Variants in SMG6 observed in about 807,000 individuals in gnomAD.
SMG6 encodes telomerase-binding protein EST1A.
In SMG6, 66 loss-of-function variants were observed where a neutral mutation model predicts 142.2. The ratio of observed to expected loss-of-function variants is 0.46; its 90% CI spans 0.38 to 0.57. SMG6 has a LOEUF of 0.57. Ranked by LOEUF, SMG6 falls within the 20% of genes least tolerant of loss-of-function variation. SMG6 has a pLI of 0.00. For missense variants in SMG6, 1,793 were observed against 1,832.0 expected (o/e 0.98, Z 0.39); for synonymous variants, 779 against 702.4 (o/e 1.11, Z -1.72).
chr17:2,107,086 C>T (rs1213949402), intron 13 of SMG6, among the ~76,000 whole-genome samples: 5 of 152,126 alleles, frequency 3.3e-5, no homozygotes, highest in Non-Finnish European at 7.4e-5. Context: ...GAACTCCTGA[C>T]CTCAGGTGAT....
At chr17:2,065,801 G>C (rs1364963285) in intron 16 of SMG6, 122 bp from the exon 17 acceptor site, 4 of 811,118 alleles carry the variant, frequency 4.9e-6, no homozygotes, top group African/African-American at 1.7e-5. Flanking sequence ...CCCCACAGGA[G>C]TCTTCCAATG....
chr17:2,130,374 A>C lies in SMG6; in HGVS notation c.3357+42284T>G, dbSNP rs565185525. On this transcript the variant is annotated intron_variant, in intron 13 of 18. Coordinates refer to ENST00000263073, the MANE Select transcript of SMG6 (RefSeq NM_017575.5). ...AAAATCTGTGCGAGGGTTTTATGGG[A>C]AATATTACAAAACATCCTTGAAGGG... 4.6e-5 allele frequency among the ~76,000 whole-genome samples: 7 copies of C among 151,950 alleles called. No individual in the cohort carries two copies. In the South Asian group the frequency reaches 1.5e-3, roughly 32 times the overall value.
rs192316324 is a variant in SMG6 at position 2,075,579 on chromosome 17, C to T, written c.3681+6231G>A. Among the ~76,000 whole-genome samples the T allele has an allele frequency of 7.6e-3, 1,162 of 152,308 alleles. 9 individuals carry two copies. Among genetic ancestry groups the T allele is most frequent in the Non-Finnish European group, 0.011 (762 of 68,024 alleles). ...GCCAGCATGAGGTGCCAAGAGGCCA[C>T]GCCTCATGCCTGGAGGAGCATTTTC... On this transcript the variant is annotated intron_variant, in intron 15 of 18. Coordinates refer to ENST00000263073, the MANE Select transcript of SMG6 (RefSeq NM_017575.5).
chr17:2,253,482 C>T (rs192671554), intron 8 of SMG6, among the ~76,000 whole-genome samples: 175 of 152,212 alleles, frequency 1.1e-3, no homozygotes, highest in South Asian at 2.3e-3. Flanking sequence ...TAATCTACAA[C>T]GCTGGTGTCT....
At chr17:2,159,511 A>G (rs1443565275) in intron 13 of SMG6, among the ~76,000 whole-genome samples, 1 of 152,206 alleles carries the variant, frequency 6.6e-6, no homozygotes, top group Non-Finnish European at 1.5e-5. Context: ...CTAAAACTAT[A>G]AAGATCAGAA....
rs34276256 is a variant in SMG6 at position 2,207,117 on chromosome 17, C to CAAAAAAAAAAA, written c.2870-18613_2870-18603dup. Among the ~76,000 whole-genome samples, 80 of 79,742 alleles carry CAAAAAAAAAAA rather than the reference C, an allele frequency of 1.0e-3. 1 individual carries two copies. The highest frequency in any genetic ancestry group is 1.7e-3 in the South Asian group (3 of 1,732). 52.3% of individuals were successfully genotyped at this position (79,742 alleles called of 152,430 possible). ...TGAAATCTTGTCTCTACTAAAAATC[C>CAAAAAAAAAAA]AAAAAAAAAAAAAAAAAAAAAAATA... is the stretch of plus-strand genomic sequence containing the variant. On this transcript the variant is annotated intron_variant, in intron 10 of 18. Transcript: ENST00000263073.
chr17:2,145,245 C>T (rs1289962683), intron 13 of SMG6, among the ~76,000 whole-genome samples: 1 of 151,660 alleles, frequency 6.6e-6, no homozygotes, highest in Non-Finnish European at 1.5e-5. Flanking sequence ...TTCTGAGTAG[C>T]TGGGACTACA....
chr17:2,110,628 G>T (rs951893222), intron 13 of SMG6, among the ~76,000 whole-genome samples: 2 of 152,168 alleles, frequency 1.3e-5, no homozygotes, highest in African/African-American at 2.4e-5. Context: ...GCAGACGGAA[G>T]AAAGACCCTG....
chr17:2,242,356 C>CAAAAAAA (rs57062488), intron 9 of SMG6, among the ~76,000 whole-genome samples: 6 of 73,508 alleles, frequency 8.2e-5, no homozygotes, highest in South Asian at 4.5e-4. Flanking sequence ...ACTGAAGATA[C>CAAAAAAA]AAAAAAAAAA....
At chr17:2,131,629 T>C (rs2151548225) in intron 13 of SMG6, among the ~76,000 whole-genome samples, 1 of 152,094 alleles carries the variant, frequency 6.6e-6, no homozygotes, top group African/African-American at 2.4e-5. Flanking sequence ...AGACATAAAC[T>C]GGAAAGGAAA....
In SMG6 at chr17:2,061,473, G is replaced by GGT; in HGVS notation, c.*18_*19insAC. 6.4e-7 allele frequency: 1 copy of GGT among 1,565,922 alleles called. No individual in the cohort carries two copies. ...TTTCAGGAACGGTTCCACGGGGGGG[G>GGT]GGCCCCAGTGTGGCTCCCTCAGCCC... On this transcript the variant is annotated 3_prime_UTR_variant, in exon 19 of 19. Transcript: ENST00000263073.
At chr17:2,114,654 C>T (rs558207401) in intron 13 of SMG6, among the ~76,000 whole-genome samples, 13 of 152,108 alleles carry the variant, frequency 8.5e-5, no homozygotes, top group African/African-American at 2.4e-4. Flanking sequence ...AGGGGCCAGG[C>T]GCGGTGGCTC....
chr17:2,126,977 C>T lies in SMG6; in HGVS notation c.3358-41076G>A, dbSNP rs527704379. ...ACACACACATATACGCGTGAACACA[C>T]GCGTGCATATAATTAGCTGGGTGTG... is the stretch of plus-strand genomic sequence containing the variant. On this transcript the variant is annotated intron_variant, in intron 13 of 18. Coordinates refer to ENST00000263073, the MANE Select transcript of SMG6 (RefSeq NM_017575.5). 9.2e-5 allele frequency among the ~76,000 whole-genome samples: 14 copies of T among 151,784 alleles called. No homozygotes were observed. In the East Asian group the frequency reaches 9.7e-4, roughly 11 times the overall value.
intron 13 of SMG6, among the ~76,000 whole-genome samples, chr17:2,141,619 T>G (rs1476242439): frequency 2.0e-5 from 3 of 152,044 alleles, no homozygotes; most frequent in Non-Finnish European, 2.9e-5. Flanking sequence ...TTTAAAAAAT[T>G]TTTTTGCAGA....
At chr17:2,150,901 T>C (rs2070806800) in intron 13 of SMG6, among the ~76,000 whole-genome samples, 1 of 149,484 alleles carries the variant, frequency 6.7e-6, no homozygotes, top group Non-Finnish European at 1.5e-5. Flanking sequence ...AAAAAAAAAA[T>C]CCGTAACCCA....
intron 13 of SMG6, among the ~76,000 whole-genome samples, chr17:2,129,540 T>C (rs1412494440): frequency 6.6e-6 from 1 of 152,076 alleles, no homozygotes; most frequent in African/African-American, 2.4e-5. Context: ...ACACCTGTAA[T>C]CCCAGCACTT....
intron 8 of SMG6, among the ~76,000 whole-genome samples, chr17:2,257,220 G>A (rs2074204913): frequency 6.6e-6 from 1 of 152,004 alleles, no homozygotes; most frequent in Non-Finnish European, 1.5e-5. Flanking sequence ...CGAGTAGCTG[G>A]GACTACAGGC....
intron 10 of SMG6, chr17:2,233,133 G>C (rs990550177): frequency 6.6e-6 from 1 of 152,298 alleles, no homozygotes; most frequent in Non-Finnish European, 1.5e-5. Context: ...CACTTTTAGA[G>C]AAAGGAATCT....
At chr17:2,291,042 T>A (rs1031638885) in intron 6 of SMG6, among the ~76,000 whole-genome samples, 1 of 152,156 alleles carries the variant, frequency 6.6e-6, no homozygotes, top group Non-Finnish European at 1.5e-5. Flanking sequence ...GAAAATGTTC[T>A]GACACATGGC....
Sources: gnomAD v4.1 joint callset for allele counts (sites outside exome capture counted in the v4.1 genomes callset) on GRCh38, gnomAD v4.1.1 for gene constraint, MANE v1.5 for transcripts, NCBI Gene and HGNC (gene_info 2026-07-23, HGNC 2026-07-21) for gene names.